The following BTBD1 variants were observed in gnomAD, a reference collection of about 807,000 sequenced individuals.
BTBD1 encodes the protein BTB domain containing 1.
A neutral mutation model predicts 48.0 loss-of-function variants in BTBD1; 34 were observed. The ratio of observed to expected loss-of-function variants is 0.71; its 90% CI spans 0.54 to 0.94. The LOEUF is 0.94. Ranked by LOEUF, BTBD1 falls within the 40% of genes least tolerant of loss-of-function variation. BTBD1 has a pLI of 0.00. For missense variants in BTBD1, 543 were observed against 625.6 expected (o/e 0.87, Z 1.41); for synonymous variants, 261 against 242.1 (o/e 1.08, Z -0.72).
At chr15:83,055,361 T>A (rs969421683) in intron 2 of BTBD1, among the ~76,000 whole-genome samples, 1 of 152,060 alleles carries the variant, frequency 6.6e-6, no homozygotes, top group African/African-American at 2.4e-5. Flanking sequence ...AAGCTCAAAC[T>A]ATTCTCCTGC....
chr15:83,026,829 G>T (rs1317545693), intron 5 of BTBD1, among the ~76,000 whole-genome samples: 4 of 152,004 alleles, frequency 2.6e-5, no homozygotes, highest in African/African-American at 7.2e-5. Flanking sequence ...GCCTTTTAGT[G>T]CAATTTTAAT....
chr15:83,023,337 TC>T (rs2032336870), intron 5 of BTBD1, among the ~76,000 whole-genome samples: 1 of 152,166 alleles, frequency 6.6e-6, no homozygotes, highest in Non-Finnish European at 1.5e-5. Flanking sequence ...TGGAATAAAT[TC>T]CTAGAACTGC....
In BTBD1 at chr15:83,050,150, G is replaced by A; in HGVS notation, c.587C>T (p.Ala196Val). The change falls in exon 3 of 8, where the codon GCT becomes GTT. Residue 196 changes from alanine to valine, a missense_variant. Physicochemically the swap from Ala to Val is moderately conservative, Grantham distance 64. Transcript: ENST00000261721. ...QARLFDEPQL[A>V]SLCLDTIDKS... ...GTCTATTGTATCTAGACAAAGACTA[G>A]CAAGCTGAGGTTCATCAAATAATCG... 1 of 1,612,712 alleles carries A rather than the reference G, an allele frequency of 6.2e-7. No individual in the cohort carries two copies. Among genetic ancestry groups the A allele is most frequent in the Non-Finnish European group, 8.5e-7 (1 of 1,179,242 alleles).
chr15:83,057,578 A>C (rs1567112928), intron 1 of BTBD1, among the ~76,000 whole-genome samples: 2 of 152,172 alleles, frequency 1.3e-5, no homozygotes, highest in African/African-American at 2.4e-5. Flanking sequence ...CAGCAATCAC[A>C]TTTAAATTTC....
chr15:83,040,040 C>T (rs1360235977), intron 4 of BTBD1, among the ~76,000 whole-genome samples: 1 of 151,268 alleles, frequency 6.6e-6, no homozygotes, highest in Non-Finnish European at 1.5e-5. Context: ...CCACAGAATA[C>T]TATAAAGCCA....
At chr15:83,059,042 C>A (rs1742171765) in intron 1 of BTBD1, among the ~76,000 whole-genome samples, 1 of 152,150 alleles carries the variant, frequency 6.6e-6, no homozygotes, top group Admixed American at 6.5e-5. Flanking sequence ...TATCAAGGAA[C>A]ATTTTTTAAA....
intron 5 of BTBD1, chr15:83,029,776 G>A (rs2032480675): frequency 9.3e-6 from 2 of 215,560 alleles, no homozygotes; most frequent in Non-Finnish European, 1.8e-5. Flanking sequence ...AGGCTGAGGT[G>A]GGAGGATCGC....
chr15:83,051,468 T>A (rs563628451), intron 2 of BTBD1, among the ~76,000 whole-genome samples: 1 of 148,344 alleles, frequency 6.7e-6, no homozygotes, highest in East Asian at 1.9e-4. Flanking sequence ...AAGTATATTT[T>A]AAAAATTATA....
chr15:83,031,512 G>C (rs1374063089), intron 4 of BTBD1, among the ~76,000 whole-genome samples: 4 of 152,158 alleles, frequency 2.6e-5, no homozygotes, highest in African/African-American at 4.8e-5. Flanking sequence ...ATCATTCTCA[G>C]TAAACTATCA....
intron 4 of BTBD1, chr15:83,030,535 A>G (rs929273880): frequency 1.2e-5 from 6 of 505,810 alleles, no homozygotes; most frequent in African/African-American, 1.9e-5. Context: ...AAAAGCATTA[A>G]TTAGTCAAAA....
rs147764285 is a variant in BTBD1 at position 83,056,221 on chromosome 15, A to G, written c.558+168T>C. On this transcript the variant is annotated intron_variant, in intron 2 of 7. Coordinates refer to ENST00000261721, the MANE Select transcript of BTBD1 (RefSeq NM_025238.4). ...TCCATGGCCTCTAATACACTTTTCA[A>G]TTCTAAAATCTTACATATCTGACAT... 8.1e-4 allele frequency among the ~76,000 whole-genome samples: 124 copies of G among 152,302 alleles called. No individual in the cohort carries two copies. The East Asian group carries it at 9.8e-3, about 12-fold the overall frequency.
intron 6 of BTBD1, chr15:83,020,375 G>A (rs909953572): frequency 4.3e-6 from 1 of 232,544 alleles, no homozygotes; most frequent in Non-Finnish European, 8.2e-6. Flanking sequence ...AGAGTTGAAA[G>A]GGCCATGAAA....
At chr15:83,036,286 T>C (rs1313116000) in intron 4 of BTBD1, among the ~76,000 whole-genome samples, 1 of 152,156 alleles carries the variant, frequency 6.6e-6, no homozygotes, top group Non-Finnish European at 1.5e-5. Flanking sequence ...ACAAAGTCTG[T>C]CAGACTGGAT....
chr15:83,051,877 T>TATACACACACACACACACACAC (rs1555441191), intron 2 of BTBD1, among the ~76,000 whole-genome samples: 94 of 138,892 alleles, frequency 6.8e-4, no homozygotes, highest in Middle Eastern at 3.7e-3. Context: ...TCCATATATA[T>TATACACACACACACACACACAC]ACACACACAC....
intron 2 of BTBD1, among the ~76,000 whole-genome samples, chr15:83,052,509 T>G (rs2033006738): frequency 6.6e-6 from 1 of 152,198 alleles, no homozygotes. Context: ...TTTTGTCACT[T>G]GCCCCAACGT....
intron 3 of BTBD1, among the ~76,000 whole-genome samples, chr15:83,046,104 C>T (rs2032872028): frequency 6.6e-6 from 1 of 151,934 alleles, no homozygotes; most frequent in Non-Finnish European, 1.5e-5. Flanking sequence ...CTTGAATTAC[C>T]AATTTTTGGG....
intron 1 of BTBD1, among the ~76,000 whole-genome samples, chr15:83,057,060 G>A (rs1045089504): frequency 1.2e-4 from 19 of 152,146 alleles, no homozygotes; most frequent in African/African-American, 4.6e-4. Context: ...GCCAAAGAGA[G>A]GGGAATGAAT....
At chr15:83,025,083 T>C (rs1284356709) in intron 5 of BTBD1, among the ~76,000 whole-genome samples, 2 of 152,092 alleles carry the variant, frequency 1.3e-5, no homozygotes, top group Non-Finnish European at 2.9e-5. Flanking sequence ...CCGGGTGTGG[T>C]TGCTCACACC....
At chr15:83,058,243 C>T (rs1215815793) in intron 1 of BTBD1, among the ~76,000 whole-genome samples, 1 of 152,254 alleles carries the variant, frequency 6.6e-6, no homozygotes, top group Non-Finnish European at 1.5e-5. Flanking sequence ...GGATTCTGGG[C>T]TCCAGATTCA....
Sources: gnomAD v4.1 joint callset for allele counts (sites outside exome capture counted in the v4.1 genomes callset) on GRCh38, gnomAD v4.1.1 for gene constraint, MANE v1.5 for transcripts, NCBI Gene and HGNC (gene_info 2026-07-23, HGNC 2026-07-21) for gene names.